SLC44A5: variants seen among roughly 807,000 people sequenced by gnomAD.
SLC44A5 encodes the protein solute carrier family 44 member 5, also known as choline transporter-like protein 5.
SLC44A5 carries 57 observed loss-of-function variants against 101.8 expected under a neutral mutation model. The ratio of observed to expected loss-of-function variants is 0.56; its 90% CI spans 0.45 to 0.70. The LOEUF (loss-of-function observed/expected upper bound fraction) is 0.70, where lower values mean the gene tolerates loss of function less well. Among genes scored for constraint, SLC44A5 ranks in the 30% least tolerant of loss-of-function variants. The pLI, the probability that SLC44A5 is intolerant of heterozygous loss-of-function variation, is 0.00. For missense variants in SLC44A5, 737 were observed against 853.1 expected (o/e 0.86, Z 1.70); for synonymous variants, 281 against 290.9 (o/e 0.97, Z 0.35).
At chr1:75,315,642 T>C (rs1488959107) in intron 4 of SLC44A5, among the ~76,000 whole-genome samples, 2 of 152,186 alleles carry the variant, frequency 1.3e-5, no homozygotes, top group Non-Finnish European at 2.9e-5. Context: ...TCTAATTCTA[T>C]CTGTTAATCT....
the SLC44A5 span, among the ~76,000 whole-genome samples, chr1:75,632,843 T>C: frequency 6.6e-6 from 1 of 152,140 alleles, no homozygotes; most frequent in South Asian, 2.1e-4. Context: ...AAAACAACAA[T>C]AATAATGGTG....
At chr1:75,598,315 C>T (rs1674772388) in intron 1 of SLC44A5, among the ~76,000 whole-genome samples, 1 of 152,044 alleles carries the variant, frequency 6.6e-6, no homozygotes, top group Admixed American at 6.6e-5. Context: ...AACATTTACA[C>T]ACCATTGGTA....
intron 1 of SLC44A5, among the ~76,000 whole-genome samples, chr1:75,584,582 T>A (rs955220528): frequency 6.6e-6 from 1 of 152,114 alleles, no homozygotes; most frequent in Non-Finnish European, 1.5e-5. Flanking sequence ...TGGGGGTTTT[T>A]TTGGGATTTT....
chr1:75,446,649 T>TACAC (rs10547175), intron 2 of SLC44A5, among the ~76,000 whole-genome samples: 9 of 149,828 alleles, frequency 6.0e-5, no homozygotes, highest in African/African-American at 1.2e-4. Context: ...TGCCTGGCTA[T>TACAC]ACACACACAC....
At position 75,207,825 on chromosome 1, in the gene SLC44A5, C is replaced by T. The variant is rs936537647; in HGVS notation, c.2047+3643G>A. Among the ~76,000 whole-genome samples, 3 of 152,262 alleles carry T rather than the reference C, an allele frequency of 2.0e-5. No individual in the cohort carries two copies. The East Asian group carries it at 5.8e-4, about 29-fold the overall frequency. ...CAACTCATTAATTTTAAATTGTGTACTATTATGAGTAGCATAATGAGACCT... is the reference window on the plus strand; with the variant it reads ...CAACTCATTAATTTTAAATTGTGTATTATTATGAGTAGCATAATGAGACCT... On this transcript the variant is annotated intron_variant, in intron 23 of 23. Coordinates refer to ENST00000370859, the MANE Select transcript of SLC44A5 (RefSeq NM_001130058.2).
At chr1:75,428,507 A>G (rs1664436774) in intron 2 of SLC44A5, among the ~76,000 whole-genome samples, 1 of 152,164 alleles carries the variant, frequency 6.6e-6, no homozygotes, top group Admixed American at 6.5e-5. Flanking sequence ...TGCTAACTCA[A>G]ATGAAGCTTT....
rs72973930 is a variant in SLC44A5, at chr1:75,578,724, A to G, written c.-70+32316T>C. On this transcript the variant is annotated intron_variant, in intron 1 of 23. Transcript: ENST00000370859. Reference sequence around the variant, plus strand: ...GTTCCAGAGCTTTATTGTACAACATAGTAAAACATAGTTAATAATAATGTA... The same window carrying G: ...GTTCCAGAGCTTTATTGTACAACATGGTAAAACATAGTTAATAATAATGTA... Among the ~76,000 whole-genome samples the G allele has an allele frequency of 9.8e-3, 1,489 of 152,256 alleles. 22 individuals are homozygous for G. Among genetic ancestry groups the G allele is most frequent in the African/African-American group, 0.035 (1,444 of 41,534 alleles).
In SLC44A5 at chr1:75,472,948, T is replaced by A. The variant is rs567653782; in HGVS notation, c.13+68487A>T. 5.3e-5 allele frequency among the ~76,000 whole-genome samples: 8 copies of A among 152,318 alleles called. No individual in the cohort carries two copies. The East Asian group carries it at 1.5e-3, about 29-fold the overall frequency. On this transcript the variant is annotated intron_variant, in intron 2 of 23. Coordinates refer to ENST00000370859, the MANE Select transcript of SLC44A5 (RefSeq NM_001130058.2). ...TTGTGGGATGCACTAAAGACTTCTG[T>A]GTGATGAATTGTCATCTCCCTCAAC...
chr1:75,256,020 T>C (rs1649991435), intron 6 of SLC44A5, among the ~76,000 whole-genome samples: 1 of 152,114 alleles, frequency 6.6e-6, no homozygotes. Context: ...ATTGAGAATA[T>C]TCTCCATGAA....
At chr1:75,682,090 G>C in the SLC44A5 span, among the ~76,000 whole-genome samples, 2 of 152,236 alleles carry the variant, frequency 1.3e-5, no homozygotes, top group African/African-American at 4.8e-5. Flanking sequence ...AACCGCTGCT[G>C]AAGGAAATAA....
intron 2 of SLC44A5, among the ~76,000 whole-genome samples, chr1:75,405,822 C>A (rs1368154391): frequency 2.2e-5 from 3 of 133,826 alleles, no homozygotes; most frequent in Admixed American, 1.5e-4. Flanking sequence ...CAAACAAATT[C>A]AAAAGCTAGC....
rs116531555 is a variant in SLC44A5, at chr1:75,252,825, A to G, written c.261-1531T>C. Among the ~76,000 whole-genome samples, 562 of 152,310 alleles carry G rather than the reference A, an allele frequency of 3.7e-3. 6 individuals carry two copies. The highest frequency in any genetic ancestry group is 0.012 in the African/African-American group (515 of 41,560). On this transcript the variant is annotated intron_variant, in intron 6 of 23. Coordinates refer to ENST00000370859, the MANE Select transcript of SLC44A5 (RefSeq NM_001130058.2). Reference sequence around the variant, plus strand: ...CATCATAATAGGATATGGAGTCAATAAACGGACTTGAGCCTCCCTGGTGGT... The same window carrying G: ...CATCATAATAGGATATGGAGTCAATGAACGGACTTGAGCCTCCCTGGTGGT...
At position 75,385,914 on chromosome 1, in the gene SLC44A5, C is replaced by T. The variant is rs549469229; in HGVS notation, c.52+10669G>A. On this transcript the variant is annotated intron_variant, in intron 3 of 23. Coordinates refer to ENST00000370859, the MANE Select transcript of SLC44A5 (RefSeq NM_001130058.2). ...CAAGGCTGGTTCAATATACGCAAAT[C>T]AATAAATGTAATCCAGCATATAAAC... Among the ~76,000 whole-genome samples the T allele has an allele frequency of 9.1e-4, 139 of 152,166 alleles. 1 individual carries two copies. Among genetic ancestry groups the T allele is most frequent in the African/African-American group, 3.1e-3 (130 of 41,496 alleles).
At chr1:75,446,315 A>G (rs2799050) in intron 2 of SLC44A5, among the ~76,000 whole-genome samples, 88,837 of 151,880 alleles carry the variant, frequency 0.58, 26,723 homozygotes, top group East Asian at 0.96. Context: ...CACTCAATCT[A>G]CTTCAGCCAT....
intron 23 of SLC44A5, chr1:75,205,765 C>T (rs777903619): frequency 1.4e-4 from 22 of 152,124 alleles, no homozygotes; most frequent in Non-Finnish European, 1.3e-4. Flanking sequence ...TACAGGTATA[C>T]TCATGAAAAG....
At chr1:75,269,885 T>C (rs1207293005) in intron 6 of SLC44A5, among the ~76,000 whole-genome samples, 1 of 152,192 alleles carries the variant, frequency 6.6e-6, no homozygotes, top group Non-Finnish European at 1.5e-5. Context: ...CCACATGTTG[T>C]GGGAGGGAAC....
chr1:75,676,365 T>A, the SLC44A5 span, among the ~76,000 whole-genome samples: 1 of 152,160 alleles, frequency 6.6e-6, no homozygotes, highest in Non-Finnish European at 1.5e-5. Flanking sequence ...ACTATGCAGA[T>A]GCAGCCATAA....
At chr1:75,292,485 TAACTG>T (rs1349309756) in intron 5 of SLC44A5, among the ~76,000 whole-genome samples, 1 of 152,288 alleles carries the variant, frequency 6.6e-6, no homozygotes, top group Non-Finnish European at 1.5e-5. Context: ...GTACAAACAT[TAACTG>T]AAGGAAAGAA....
At chr1:75,393,167 T>C (rs72986712) in intron 3 of SLC44A5, among the ~76,000 whole-genome samples, 3,073 of 152,216 alleles carry the variant, frequency 0.02, 98 homozygotes, top group African/African-American at 0.072. Flanking sequence ...AAAATAAAAT[T>C]TGAAATTCAA....
Sources: gnomAD v4.1 joint callset for allele counts (sites outside exome capture counted in the v4.1 genomes callset) on GRCh38, gnomAD v4.1.1 for gene constraint, MANE v1.5 for transcripts, NCBI Gene and HGNC (gene_info 2026-07-23, HGNC 2026-07-21) for gene names.